The following IL18RAP variants were observed in gnomAD, a reference collection of about 807,000 sequenced individuals.
IL18RAP encodes the protein interleukin-18 receptor accessory protein.
Under a neutral mutation model 58.1 loss-of-function variants are expected in IL18RAP, and 37 were observed. The ratio of observed to expected loss-of-function variants is 0.64; its 90% CI spans 0.49 to 0.84. The LOEUF (loss-of-function observed/expected upper bound fraction) is 0.84, where lower values mean the gene tolerates loss of function less well. Among genes scored for constraint, IL18RAP ranks in the 40% least tolerant of loss-of-function variants. The pLI is 0.00. For synonymous variants in IL18RAP, 268 were observed against 257.5 expected, an observed-to-expected ratio of 1.04 and a Z score of -0.39; for missense variants, 667 against 704.8, an observed-to-expected ratio of 0.95 and a Z score of 0.61.
At chr2:102,423,140 G>T, upstream of IL18RAP, 1 of 861,180 alleles carries the variant, frequency 1.2e-6, no homozygotes, top group Non-Finnish European at 1.9e-6. Context: ...TTTGTTCACT[G>T]GTTCTGACTT....
upstream of IL18RAP, chr2:102,419,300 A>C (rs986279789): frequency 2.0e-5 from 3 of 152,206 alleles, no homozygotes; most frequent in African/African-American, 7.2e-5. Flanking sequence ...TCCCTAGACA[A>C]TGGGGTCTAA....
chr2:102,449,730 T>C (rs148925465), intron 8 of IL18RAP, among the ~76,000 whole-genome samples: 229 of 152,318 alleles, frequency 1.5e-3, no homozygotes, highest in African/African-American at 5.0e-3. Flanking sequence ...TAAATGTAGT[T>C]TCCAGGTTAT....
Position 102,443,203 on chromosome 2 carries a change from A to C in IL18RAP, c.800A>C (p.Lys267Thr). The C allele has an allele frequency of 6.2e-7, 1 of 1,608,048 alleles. No individual in the cohort carries two copies. The highest frequency in any genetic ancestry group is 1.1e-5 in the South Asian group (1 of 90,322). ...VEDTLEVELG[K>T]PLTISCKARF... ...TCTCTGGCCTCTTCATTTTCAGGAA[A>C]GCCTTTAACTATTAGCTGCAAAGCA... The change falls in exon 6 of 10, where the codon AAG (lysine) becomes ACG (threonine). Residue 267 changes from lysine (K) to threonine (T), a missense_variant. Physicochemically the swap from Lys to Thr is moderately conservative, Grantham distance 78. Transcript: ENST00000687160.
Position 102,423,283 on chromosome 2 carries a change from C to G in IL18RAP, c.6C>G (p.Leu2=), listed in dbSNP as rs11465687. The G allele has an allele frequency of 1.5e-5, 25 of 1,613,906 alleles. No homozygotes were observed. The highest frequency in any genetic ancestry group is 2.0e-5 in the Non-Finnish European group (24 of 1,179,848). M[L]CLGWIFLWLV... ...GACAGGAACACGGGAGAACAATGCT[C>G]TGTTTGGGCTGGATATTTCTTTGGC... Residue 2 remains leucine (L), a synonymous_variant, in exon 1 of 10, where the codon CTC becomes CTG. Coordinates refer to ENST00000687160, the MANE Select transcript of IL18RAP (RefSeq NM_001393487.1).
intron 4 of IL18RAP, chr2:102,439,472 T>C (rs1428366868): frequency 6.6e-6 from 1 of 152,384 alleles, no homozygotes. Flanking sequence ...GGGAATGTGC[T>C]GACAGAGCAC....
intron 3 of IL18RAP, among the ~76,000 whole-genome samples, chr2:102,427,908 C>T (rs1324456488): frequency 6.6e-6 from 1 of 151,044 alleles, no homozygotes; most frequent in African/African-American, 2.4e-5. Flanking sequence ...ATTCTTCTCC[C>T]TGTAGATAGC....
intron 3 of IL18RAP, among the ~76,000 whole-genome samples, chr2:102,432,890 G>T (rs1398116830): frequency 1.3e-5 from 2 of 152,092 alleles, no homozygotes; most frequent in Admixed American, 1.3e-4. Flanking sequence ...TTCTAAAAAT[G>T]TAATGAAAAA....
At chr2:102,432,104 G>T (rs1682403017) in intron 3 of IL18RAP, among the ~76,000 whole-genome samples, 1 of 152,048 alleles carries the variant, frequency 6.6e-6, no homozygotes. Context: ...ATGTAGTCTA[G>T]CCTGGGATTC....
At chr2:102,423,737 T>C in intron 1 of IL18RAP, 74 bp from the exon 2 acceptor site, 1 of 1,014,130 alleles carries the variant, frequency 9.9e-7, no homozygotes, top group South Asian at 1.5e-5. Flanking sequence ...TTAAATCAAG[T>C]ACTAGATGTA....
At chr2:102,424,449 A>G (rs1176397299) in intron 3 of IL18RAP, 35 bp downstream of exon 3, 2 of 1,561,576 alleles carry the variant, frequency 1.3e-6, no homozygotes, top group African/African-American at 1.4e-5. Flanking sequence ...ATATAAGAGC[A>G]TTGTTTTTAT....
At position 102,443,106 on chromosome 2, in the gene IL18RAP, A is replaced by C. The variant is rs1291073603; in HGVS notation, c.797-94A>C. 7.3e-6 allele frequency: 9 copies of C among 1,233,670 alleles called. No individual in the cohort carries two copies. In the East Asian group the frequency reaches 1.9e-4, roughly 26 times the overall value. The allele number at this position is 1,233,670 out of a possible 1,614,324, so 76.4% of individuals were successfully genotyped here. On this transcript the variant is annotated intron_variant, in intron 5 of 9. Transcript: ENST00000687160. ...TTCTACCTGCAAACCTGATTGCATCAGGAGACAGCTTCTGGCGACGTCTTC... is the reference window on the plus strand; with the variant it reads ...TTCTACCTGCAAACCTGATTGCATCCGGAGACAGCTTCTGGCGACGTCTTC...
In IL18RAP at chr2:102,437,250, C is replaced by T. The variant is rs201710233; in HGVS notation, c.618C>T (p.Ile206=). The T allele has an allele frequency of 1.1e-5, 17 of 1,612,724 alleles. No homozygotes were observed. Among genetic ancestry groups the T allele is most frequent in the South Asian group, 5.5e-5 (5 of 90,738 alleles). Reference sequence around the variant, plus strand: ...TCTCTGTGGAAAGGAGCAACCGAATCGTAGTGGATGAAGTTTATGACTATC... The same window carrying T: ...TCTCTGTGGAAAGGAGCAACCGAATTGTAGTGGATGAAGTTTATGACTATC... ...KLLSVERSNR[I]VVDEVYDYHQ... Residue 206 remains isoleucine, a synonymous_variant, in exon 4 of 10, where the codon ATC becomes ATT. Coordinates refer to ENST00000687160, the MANE Select transcript of IL18RAP (RefSeq NM_001393487.1).
chr2:102,423,949 A>T lies in IL18RAP; in HGVS notation c.209A>T (p.His70Leu), dbSNP rs1489499167. The T allele has an allele frequency of 6.2e-7, 1 of 1,614,092 alleles. No individual in the cohort carries two copies. The change falls in exon 2 of 10, where the codon CAC becomes CTC. Residue 70 changes from histidine to leucine, a missense_variant. Transcript: ENST00000687160. ...CTCTCACCAAAACAAGTCCCTGAGC[A>T]CCTGCCCTTCATGGGTAGTAACGAC... is the stretch of plus-strand genomic sequence containing the variant. ...NRLSPKQVPE[H>L]LPFMGSNDLS...
chr2:102,435,058 G>A (rs1463574287), intron 3 of IL18RAP: 2 of 152,066 alleles, frequency 1.3e-5, no homozygotes, highest in African/African-American at 2.4e-5. Flanking sequence ...TGATAACTGG[G>A]GCAAGAGACT....
chr2:102,447,689 A>G (rs2104382280), intron 8 of IL18RAP, among the ~76,000 whole-genome samples: 1 of 150,784 alleles, frequency 6.6e-6, no homozygotes, highest in Admixed American at 6.6e-5. Context: ...CTTAAGACAC[A>G]TTTAGTATTC....
intron 8 of IL18RAP, among the ~76,000 whole-genome samples, chr2:102,448,792 C>G (rs1683585908): frequency 6.6e-6 from 1 of 151,640 alleles, no homozygotes. Flanking sequence ...AAACCTGCCT[C>G]TACAAGAAAT....
At position 102,423,974 on chromosome 2, in the gene IL18RAP, C is replaced by T; in HGVS notation, c.234C>T (p.Asp78=). Reference sequence around the variant, plus strand: ...ACCTGCCCTTCATGGGTAGTAACGACCTATCTGATGTCCAATGGTACCAAC... The same window carrying T: ...ACCTGCCCTTCATGGGTAGTAACGATCTATCTGATGTCCAATGGTACCAAC... The part of the protein sequence containing the change: ...PEHLPFMGSN[D]LSDVQWYQQP... Residue 78 remains aspartate (D), a synonymous_variant, in exon 2 of 10, where the codon GAC becomes GAT. Coordinates refer to ENST00000687160, the MANE Select transcript of IL18RAP (RefSeq NM_001393487.1). The T allele has an allele frequency of 2.5e-6, 4 of 1,614,040 alleles. No individual in the cohort carries two copies. Among genetic ancestry groups the T allele is most frequent in the Non-Finnish European group, 3.4e-6 (4 of 1,179,996 alleles).
intron 5 of IL18RAP, among the ~76,000 whole-genome samples, chr2:102,442,049 A>G (rs1339607733): frequency 6.6e-6 from 1 of 152,212 alleles, no homozygotes; most frequent in Non-Finnish European, 1.5e-5. Context: ...CAAATTCGCC[A>G]ACCTGAGTAA....
intron 8 of IL18RAP, among the ~76,000 whole-genome samples, chr2:102,447,817 G>A (rs966485717): frequency 2.6e-5 from 4 of 151,844 alleles, no homozygotes; most frequent in African/African-American, 7.3e-5. Flanking sequence ...TTCAATCTCC[G>A]CCTCCCAGGT....
Sources: allele counts gnomAD v4.1 joint callset (sites outside exome capture counted in the v4.1 genomes callset), GRCh38; gene constraint gnomAD v4.1.1; transcripts MANE v1.5; gene names NCBI Gene and HGNC (gene_info 2026-07-23, HGNC 2026-07-21).